The following CSPG5 variants were observed in gnomAD, a reference collection of about 807,000 sequenced individuals.
The protein encoded by CSPG5 is chondroitin sulfate proteoglycan 5.
A neutral mutation model predicts 39.8 loss-of-function variants in CSPG5; 25 were observed. The ratio of observed to expected loss-of-function variants is 0.63; its 90% CI spans 0.46 to 0.88. The LOEUF is 0.88. Among genes scored for constraint, CSPG5 ranks in the 40% least tolerant of loss-of-function variants. The probability of loss-of-function intolerance (pLI) is 0.00; values close to 1 mark genes in which losing one functional copy is unlikely to be tolerated. For missense variants in CSPG5, 627 were observed against 702.2 expected (o/e 0.89, Z 1.21); for synonymous variants, 295 against 303.9 (o/e 0.97, Z 0.31).
chr3:47,579,725 G>C (rs1469893162), upstream of CSPG5: 1 of 152,242 alleles, frequency 6.6e-6, no homozygotes, highest in African/African-American at 2.4e-5. The surrounding 1 kb of genome is among the most constrained non-coding windows in gnomAD (Gnocchi z 4.2). Flanking sequence ...ACACATGGAT[G>C]CTTGGCTTTA....
rs1215123965 is a variant in CSPG5 at position 47,578,316 on chromosome 3, GC to G, written c.97+280del. On this transcript the variant is annotated intron_variant, in intron 1 of 4. Transcript: ENST00000264723. This position sits in a 1 kb window ranked among gnomAD's most constrained non-coding sequence, Gnocchi z 6.0. ...CCCCGAAGTCTCACCCTCAGGCCCC[GC>G]CCCGGCCCCGCCCCGGCCCCGCCCC... 4.6e-5 allele frequency among the ~76,000 whole-genome samples: 5 copies of G among 107,746 alleles called. No homozygotes were observed. Among genetic ancestry groups the G allele is most frequent in the South Asian group, 6.4e-4 (2 of 3,130 alleles). 70.7% of individuals were successfully genotyped at this position (107,746 alleles called of 152,430 possible). A position where few individuals can be genotyped will look rare whatever the true frequency, so the allele number is the denominator to read the frequency against.
At position 47,572,829 on chromosome 3, in the gene CSPG5, C is replaced by T; in HGVS notation, c.1239G>A (p.Glu413=). ...TCACCTGGAAGTCGGTGATGATGGA[C>T]TCGCAGCGCATCCCCTTGTGCCAGA... The part of the protein sequence containing the change: ...DYIWHKGMRC[E]SIITDFQVMC... Residue 413 remains glutamate (E), a synonymous_variant, in exon 3 of 5, where the codon GAG becomes GAA. Transcript: ENST00000264723. This position sits in a 1 kb window ranked among gnomAD's most constrained non-coding sequence, Gnocchi z 4.5. 2 of 1,614,068 alleles carry T rather than the reference C, an allele frequency of 1.2e-6. No individual in the cohort carries two copies. The highest frequency in any genetic ancestry group is 1.7e-6 in the Non-Finnish European group (2 of 1,179,934).
intron 2 of CSPG5, among the ~76,000 whole-genome samples, chr3:47,575,253 C>T (rs1448339868): frequency 2.0e-5 from 3 of 152,146 alleles, no homozygotes; most frequent in Non-Finnish European, 4.4e-5. Flanking sequence ...TGGTGAAACC[C>T]CATCTCTACT....
intron 4 of CSPG5, among the ~76,000 whole-genome samples, chr3:47,567,311 C>T (rs1324281056): frequency 6.6e-6 from 1 of 152,108 alleles, no homozygotes; most frequent in African/African-American, 2.4e-5. Context: ...CCCCATAGCC[C>T]ACCATCACTC....
chr3:47,564,661 G>A (rs1206467031), intron 4 of CSPG5, among the ~76,000 whole-genome samples: 1 of 152,118 alleles, frequency 6.6e-6, no homozygotes, highest in Non-Finnish European at 1.5e-5. Context: ...TGACATAAAT[G>A]TCCATCTCCT....
intron 2 of CSPG5, among the ~76,000 whole-genome samples, chr3:47,575,449 A>C (rs1439188474): frequency 6.6e-6 from 1 of 152,198 alleles, no homozygotes; most frequent in Non-Finnish European, 1.5e-5. Context: ...CAGCAAGTTA[A>C]ATACCTCACT....
Position 47,572,685 on chromosome 3 carries a change from C to A in CSPG5, c.1382+1G>T. ...TGGATGGGTGAGTGACACAGACTCA[C>A]TTGGTCCTACGCAGCTTGGTATTCT... On this transcript the variant is annotated splice_donor_variant, in intron 3 of 4. Transcript: ENST00000264723. LOFTEE classifies it high-confidence loss of function. This position sits in a 1 kb window ranked among gnomAD's most constrained non-coding sequence, Gnocchi z 4.5. 2 of 1,612,928 alleles carry A rather than the reference C, an allele frequency of 1.2e-6. No individual in the cohort carries two copies. The highest frequency in any genetic ancestry group is 1.7e-6 in the Non-Finnish European group (2 of 1,179,090).
At position 47,562,827 on chromosome 3, in the gene CSPG5, G is replaced by A. The variant is rs189704710; in HGVS notation, c.1459-66C>T. ...ACAGCAACCAAATAATAATATCAGC[G>A]TTTTCTATCTGGTTGAAGGAAGCAT... On this transcript the variant is annotated intron_variant, in intron 4 of 4. Transcript: ENST00000264723. 38 of 1,433,508 alleles carry A rather than the reference G, an allele frequency of 2.7e-5. No individual in the cohort carries two copies. The East Asian group carries it at 6.7e-4, about 25-fold the overall frequency. The allele number at this position is 1,433,508 out of a possible 1,614,324, so 88.8% of individuals were successfully genotyped here. A position where few individuals can be genotyped will look rare whatever the true frequency, so the allele number is the denominator to read the frequency against.
intron 2 of CSPG5, 77 bp downstream of exon 2, chr3:47,576,756 G>T: frequency 6.8e-7 from 1 of 1,473,666 alleles, no homozygotes. Flanking sequence ...CAACGCGCCC[G>T]GCTACGCTGC....
At position 47,577,649 on chromosome 3, in the gene CSPG5, G is replaced by A. The variant is rs2031816060; in HGVS notation, c.377C>T (p.Thr126Met). The A allele has an allele frequency of 1.2e-6, 2 of 1,608,128 alleles. No homozygotes were observed. Among genetic ancestry groups the A allele is most frequent in the Non-Finnish European group, 1.7e-6 (2 of 1,178,404 alleles). Residue 126 changes from threonine to methionine, a missense_variant, in exon 2 of 5, where the codon ACG becomes ATG. By Grantham distance (81) the Thr-to-Met change is moderately conservative. Coordinates refer to ENST00000264723, the MANE Select transcript of CSPG5 (RefSeq NM_006574.4). The surrounding 1 kb of genome is among the most constrained non-coding windows in gnomAD (Gnocchi z 4.7). The part of the protein sequence containing the change: ...GSGDAQALPA[T>M]LQAPHEVLGQ... ...GAGGACCTCGTGGGGAGCCTGGAGCGTAGCTGGAAGGGCCTGGGCATCGCC... is the reference window on the plus strand; with the variant it reads ...GAGGACCTCGTGGGGAGCCTGGAGCATAGCTGGAAGGGCCTGGGCATCGCC...
intron 2 of CSPG5, among the ~76,000 whole-genome samples, chr3:47,575,241 T>C (rs1322433092): frequency 6.6e-6 from 1 of 152,040 alleles, no homozygotes; most frequent in African/African-American, 2.4e-5. Flanking sequence ...GCCTGGCCAA[T>C]ATGGTGAAAC....
intron 3 of CSPG5, among the ~76,000 whole-genome samples, chr3:47,569,753 T>C (rs2031459959): frequency 6.8e-6 from 1 of 147,592 alleles, no homozygotes; most frequent in South Asian, 2.1e-4. Context: ...TTCTTTTCTT[T>C]TTTTTTTTTT....
In CSPG5 at chr3:47,577,736, C is replaced by A; in HGVS notation, c.290G>T (p.Gly97Val). ...GCTGTCAGCTTCCAGCCAGGCGGTGCCGGTCACCGCAGCCGACTCCTGCAG... is the reference window on the plus strand; with the variant it reads ...GCTGTCAGCTTCCAGCCAGGCGGTGACGGTCACCGCAGCCGACTCCTGCAG... ...EVLQESAAVT[G>V]TAWLEADSPG... Residue 97 changes from glycine to valine, a missense_variant, in exon 2 of 5, where the codon GGC becomes GTC. Gly to Val is a moderately radical substitution (Grantham distance 109). Coordinates refer to ENST00000264723, the MANE Select transcript of CSPG5 (RefSeq NM_006574.4). This position sits in a 1 kb window ranked among gnomAD's most constrained non-coding sequence, Gnocchi z 4.7. 1.9e-6 allele frequency: 3 copies of A among 1,579,996 alleles called. No homozygotes were observed. The highest frequency in any genetic ancestry group is 1.7e-6 in the Non-Finnish European group (2 of 1,168,752).
At chr3:47,564,950 C>G (rs1485334158) in intron 4 of CSPG5, among the ~76,000 whole-genome samples, 1 of 152,092 alleles carries the variant, frequency 6.6e-6, no homozygotes, top group Non-Finnish European at 1.5e-5. Flanking sequence ...CTTTGAATCA[C>G]ACTAAAATCT....
upstream of CSPG5, chr3:47,579,181 AC>A (rs920805275): frequency 2.0e-5 from 3 of 152,052 alleles, no homozygotes; most frequent in Non-Finnish European, 4.4e-5. The surrounding 1 kb of genome is among the most constrained non-coding windows in gnomAD (Gnocchi z 4.2). Context: ...GGAGGAACCC[AC>A]CCGCCACGCG....
At chr3:47,576,471 T>G (rs1424740861) in intron 2 of CSPG5, among the ~76,000 whole-genome samples, 3 of 150,776 alleles carry the variant, frequency 2.0e-5, no homozygotes, top group African/African-American at 4.9e-5. Flanking sequence ...GTTTTTTTTT[T>G]TTTTTGAGAT....
rs758222872 is a variant in CSPG5 at position 47,577,934 on chromosome 3, G to C, written c.98-6C>G. ...CGCGCTGCCCGCCTCACGCGCTGCG[G>C]GCGGGAGGGCAAGGGGCGGGACGTC... On this transcript the variant is annotated splice_polypyrimidine_tract_variant and splice_region_variant and intron_variant, in intron 1 of 4. Transcript: ENST00000264723. This position sits in a 1 kb window ranked among gnomAD's most constrained non-coding sequence, Gnocchi z 4.7. 1 of 1,418,664 alleles carries C rather than the reference G, an allele frequency of 7.0e-7. No individual in the cohort carries two copies. Among genetic ancestry groups the C allele is most frequent in the Non-Finnish European group, 9.1e-7 (1 of 1,099,164 alleles). 87.9% of individuals were successfully genotyped at this position (1,418,664 alleles called of 1,614,324 possible). A position where few individuals can be genotyped will look rare whatever the true frequency, so the allele number is the denominator to read the frequency against.
chr3:47,564,407 T>A (rs1170281428), intron 4 of CSPG5, among the ~76,000 whole-genome samples: 1 of 152,182 alleles, frequency 6.6e-6, no homozygotes, highest in East Asian at 1.9e-4. Context: ...AGCTGCCCAC[T>A]GCCCACAGCC....
At position 47,578,402 on chromosome 3, in the gene CSPG5, G is replaced by C. The variant is rs1285910834; in HGVS notation, c.97+195C>G. Among the ~76,000 whole-genome samples the C allele has an allele frequency of 6.9e-6, 1 of 144,842 alleles. No individual in the cohort carries two copies. Among genetic ancestry groups the C allele is most frequent in the Non-Finnish European group, 1.5e-5 (1 of 66,220 alleles). ...GCTTGGGTCCCGGCTACCCCAACCG[G>C]GGTCGGCCCCCACGCGGGTCGGCCT... On this transcript the variant is annotated intron_variant, in intron 1 of 4. Transcript: ENST00000264723. The surrounding 1 kb of genome is among the most constrained non-coding windows in gnomAD (Gnocchi z 6.0).
Sources: gnomAD v4.1 joint callset for allele counts (sites outside exome capture counted in the v4.1 genomes callset) on GRCh38, gnomAD v4.1.1 for gene constraint, Gnocchi (gnomAD v3.1) non-coding constraint, MANE v1.5 for transcripts, NCBI Gene and HGNC (gene_info 2026-07-23, HGNC 2026-07-21) for gene names.